EBF1: variants seen among roughly 807,000 people sequenced by gnomAD.
EBF1 encodes the protein EBF transcription factor 1, also known as transcription factor COE1.
Under a neutral mutation model 68.4 loss-of-function variants are expected in EBF1, and 10 were observed. The ratio of observed to expected loss-of-function variants is 0.15; its 90% CI spans 0.09 to 0.25. The LOEUF (loss-of-function observed/expected upper bound fraction) is 0.25. Ranked by LOEUF, EBF1 falls within the 10% of genes least tolerant of loss-of-function variation. The pLI is 1.00. For missense variants in EBF1, 509 were observed against 794.4 expected (o/e 0.64, Z 4.32); for synonymous variants, 298 against 299.8 (o/e 0.99, Z 0.06).
intron 6 of EBF1, among the ~76,000 whole-genome samples, chr5:159,018,174 T>C (rs1041718573): frequency 1.3e-5 from 2 of 152,290 alleles, no homozygotes; most frequent in Middle Eastern, 6.8e-3. Flanking sequence ...TCCAAGGACA[T>C]CTAGATCTAA....
At chr5:158,908,509 C>G (rs1805162170) in intron 6 of EBF1, among the ~76,000 whole-genome samples, 1 of 152,184 alleles carries the variant, frequency 6.6e-6, no homozygotes, top group Admixed American at 6.5e-5. Context: ...TAACTCCAAT[C>G]AAGCTTTTTT....
chr5:158,815,212 C>T (rs919818940), intron 8 of EBF1, among the ~76,000 whole-genome samples: 5 of 152,090 alleles, frequency 3.3e-5, no homozygotes, highest in Non-Finnish European at 5.9e-5. Context: ...TGGTTTTCTC[C>T]TCTTTACAAC....
chr5:158,812,997 C>A (rs758972480), intron 8 of EBF1, among the ~76,000 whole-genome samples: 1 of 152,142 alleles, frequency 6.6e-6, no homozygotes, highest in African/African-American at 2.4e-5. Flanking sequence ...AAGAATGTTT[C>A]CCAGGGTCCT....
chr5:158,754,537 A>C lies in EBF1; in HGVS notation c.1036+22876T>G, dbSNP rs573018556. Among the ~76,000 whole-genome samples, 589 of 152,302 alleles carry C rather than the reference A, an allele frequency of 3.9e-3. 2 individuals carry two copies. Among genetic ancestry groups the C allele is most frequent in the Non-Finnish European group, 7.3e-3 (498 of 68,020 alleles). ...CACAAGGCCATCTTGAGAAGGAAGC[A>C]AGTGATATGGTTTACTCTTAAATCC... On this transcript the variant is annotated intron_variant, in intron 10 of 15. Transcript: ENST00000313708.
intron 6 of EBF1, among the ~76,000 whole-genome samples, chr5:159,038,463 T>G (rs768396357): frequency 6.6e-6 from 1 of 152,074 alleles, no homozygotes; most frequent in Non-Finnish European, 1.5e-5. Flanking sequence ...TCAAAACAAC[T>G]TAAAAAAAAT....
At chr5:158,883,843 C>T (rs1050761877) in intron 6 of EBF1, among the ~76,000 whole-genome samples, 9 of 152,214 alleles carry the variant, frequency 5.9e-5, no homozygotes, top group East Asian at 1.9e-4. Flanking sequence ...GATAAAAAAG[C>T]GGTCCTTGCC....
At chr5:158,886,986 G>A (rs60010808) in intron 6 of EBF1, among the ~76,000 whole-genome samples, 1 of 152,134 alleles carries the variant, frequency 6.6e-6, no homozygotes, top group African/African-American at 2.4e-5. Context: ...TGGGCAACAA[G>A]AGAGAAACTC....
chr5:159,046,452 G>A (rs1399858639), intron 6 of EBF1, among the ~76,000 whole-genome samples: 2 of 152,230 alleles, frequency 1.3e-5, no homozygotes, highest in Admixed American at 6.5e-5. Context: ...TAAGCGGAAT[G>A]TGTAAGAGCC....
chr5:158,958,942 A>C (rs1273871072), intron 6 of EBF1, among the ~76,000 whole-genome samples: 2 of 152,206 alleles, frequency 1.3e-5, no homozygotes, highest in Admixed American at 6.5e-5. Flanking sequence ...GTGATTGCCC[A>C]CACGATTCGC....
intron 5 of EBF1, among the ~76,000 whole-genome samples, chr5:159,075,784 C>T (rs1226286056): frequency 6.6e-6 from 1 of 152,210 alleles, no homozygotes; most frequent in Non-Finnish European, 1.5e-5. Flanking sequence ...AGACCACCTC[C>T]CAACCTTCTG....
At chr5:158,735,064 C>T (rs537035117) in intron 10 of EBF1, among the ~76,000 whole-genome samples, 1 of 152,254 alleles carries the variant, frequency 6.6e-6, no homozygotes, top group African/African-American at 2.4e-5. Context: ...ATTTTTAGTG[C>T]TTACCATATG....
intron 1 of EBF1, among the ~76,000 whole-genome samples, chr5:159,098,039 C>T (rs1782967753): frequency 1.3e-5 from 2 of 152,260 alleles, no homozygotes; most frequent in Admixed American, 6.5e-5. Flanking sequence ...CATCCTAATA[C>T]TCAGTGGGGA....
At chr5:158,939,147 G>T (rs549262624) in intron 6 of EBF1, among the ~76,000 whole-genome samples, 25 of 152,212 alleles carry the variant, frequency 1.6e-4, no homozygotes, top group Non-Finnish European at 3.2e-4. Context: ...GGCACTTGGT[G>T]CTACTCATTG....
chr5:158,953,905 T>C (rs774827765), intron 6 of EBF1, among the ~76,000 whole-genome samples: 4 of 152,148 alleles, frequency 2.6e-5, no homozygotes, highest in Non-Finnish European at 5.9e-5. Flanking sequence ...AAGGCTACCT[T>C]CCATAATTAG....
rs1461382928 is a variant in EBF1 at position 158,698,139 on chromosome 5, C to T, written c.*972G>A. The T allele has an allele frequency of 2.3e-5, 5 of 219,584 alleles. No homozygotes were observed. The highest frequency in any genetic ancestry group is 6.6e-5 in the East Asian group (1 of 15,188). 13.6% of individuals were successfully genotyped at this position (219,584 alleles called of 1,614,324 possible). A position where few individuals can be genotyped will look rare whatever the true frequency, so the allele number is the denominator to read the frequency against. On this transcript the variant is annotated 3_prime_UTR_variant, in exon 16 of 16. Transcript: ENST00000313708. ...ATAGGTATGAAGTCTGCATTTAGGA[C>T]GAGTAAACTTTAAACTTGCAAATGG... is the stretch of plus-strand genomic sequence containing the variant.
At chr5:159,034,319 G>A (rs1409055605) in intron 6 of EBF1, among the ~76,000 whole-genome samples, 2 of 152,186 alleles carry the variant, frequency 1.3e-5, no homozygotes, top group East Asian at 1.9e-4. Context: ...AAGTTAGATA[G>A]TGGATTTATT....
intron 6 of EBF1, among the ~76,000 whole-genome samples, chr5:158,906,881 C>T (rs1442393145): frequency 6.6e-6 from 1 of 152,128 alleles, no homozygotes. Context: ...TATTGTTGAC[C>T]AGGGAGATAA....
chr5:159,048,496 G>A (rs539199676), intron 6 of EBF1, among the ~76,000 whole-genome samples: 19 of 152,346 alleles, frequency 1.2e-4, no homozygotes, highest in African/African-American at 4.6e-4. Flanking sequence ...GGTGCCAGGA[G>A]ATAATGCTCT....
chr5:159,061,752 A>G (rs1321007721), intron 6 of EBF1, among the ~76,000 whole-genome samples: 2 of 151,546 alleles, frequency 1.3e-5, no homozygotes, highest in Non-Finnish European at 2.9e-5. Context: ...TTACGTTTCA[A>G]TCCTAAATAA....
Sources: gnomAD v4.1 joint callset for allele counts (sites outside exome capture counted in the v4.1 genomes callset) on GRCh38, gnomAD v4.1.1 for gene constraint, MANE v1.5 for transcripts, NCBI Gene and HGNC (gene_info 2026-07-23, HGNC 2026-07-21) for gene names.